The following IQCM variants were observed in gnomAD, a reference collection of about 807,000 sequenced individuals.
IQCM encodes the protein IQ motif containing M.
IQCM carries 45 observed loss-of-function variants against 57.6 expected under a neutral mutation model. The ratio of observed to expected loss-of-function variants is 0.78; its 90% CI spans 0.62 to 1.00. IQCM has a LOEUF of 1.00. Ranked by LOEUF, IQCM falls within the 50% of genes least tolerant of loss-of-function variation. IQCM has a pLI of 0.00. For missense variants in IQCM, 468 were observed against 511.6 expected (o/e 0.91, Z 0.82); for synonymous variants, 148 against 158.9 (o/e 0.93, Z 0.51).
In IQCM at chr4:149,600,149, T is replaced by C. The variant is rs571989199; in HGVS notation, c.682-12152A>G. Among the ~76,000 whole-genome samples, 11 of 152,252 alleles carry C rather than the reference T, an allele frequency of 7.2e-5. No homozygotes were observed. In the South Asian group the frequency reaches 2.3e-3, roughly 32 times the overall value. On this transcript the variant is annotated intron_variant, in intron 8 of 13. Coordinates refer to ENST00000636793, the MANE Select transcript of IQCM (RefSeq NM_001363507.2). ...TATTGAGGACTAATTTGAATGTAAATCCATTCTAAATGATGAGTTCTGCTA... is the reference window on the plus strand; with the variant it reads ...TATTGAGGACTAATTTGAATGTAAACCCATTCTAAATGATGAGTTCTGCTA...
chr4:149,486,202 G>A (rs1415669141), intron 12 of IQCM, among the ~76,000 whole-genome samples: 1 of 152,052 alleles, frequency 6.6e-6, no homozygotes, highest in Non-Finnish European at 1.5e-5. Flanking sequence ...CTTCTCTTCA[G>A]GGCATCAAGT....
intron 8 of IQCM, among the ~76,000 whole-genome samples, chr4:149,590,823 T>A (rs1317473914): frequency 1.3e-5 from 2 of 152,124 alleles, no homozygotes; most frequent in African/African-American, 4.8e-5. Flanking sequence ...GGTGTATATG[T>A]GCCACATTTT....
At chr4:149,394,922 T>G (rs559910654) in intron 13 of IQCM, among the ~76,000 whole-genome samples, 1 of 152,188 alleles carries the variant, frequency 6.6e-6, no homozygotes, top group East Asian at 1.9e-4. Context: ...GATAAGCAGT[T>G]ACACTGCCAT....
chr4:149,694,597 C>G (rs888523835), intron 5 of IQCM, among the ~76,000 whole-genome samples: 7 of 152,104 alleles, frequency 4.6e-5, no homozygotes, highest in Non-Finnish European at 8.8e-5. Context: ...TAAAAATCGT[C>G]TATGTTAAAT....
chr4:149,747,720 A>G (rs1768061285), intron 2 of IQCM, among the ~76,000 whole-genome samples: 2 of 152,196 alleles, frequency 1.3e-5, no homozygotes, highest in Non-Finnish European at 2.9e-5. Context: ...TGAATTTATG[A>G]TTAATATCAG....
intron 12 of IQCM, among the ~76,000 whole-genome samples, chr4:149,460,633 G>T (rs1738171480): frequency 6.6e-6 from 1 of 151,762 alleles, no homozygotes; most frequent in African/African-American, 2.4e-5. Context: ...GTAATATTTT[G>T]AAAGAAGAAA....
intron 7 of IQCM, among the ~76,000 whole-genome samples, chr4:149,681,679 G>A (rs970772240): frequency 6.6e-6 from 1 of 151,016 alleles, no homozygotes; most frequent in Non-Finnish European, 1.5e-5. Flanking sequence ...TTAAAAAGCG[G>A]GAAAACTAAA....
intron 12 of IQCM, among the ~76,000 whole-genome samples, chr4:149,510,424 C>G (rs1237603768): frequency 6.6e-6 from 1 of 152,010 alleles, no homozygotes; most frequent in Non-Finnish European, 1.5e-5. Flanking sequence ...CATGTCATAG[C>G]CATACACTGT....
At chr4:149,683,955 C>T (rs2150209137) in intron 6 of IQCM, among the ~76,000 whole-genome samples, 1 of 151,410 alleles carries the variant, frequency 6.6e-6, no homozygotes, top group African/African-American at 2.4e-5. Flanking sequence ...AGGAAACTCA[C>T]TGATCACAAA....
intron 12 of IQCM, among the ~76,000 whole-genome samples, chr4:149,490,149 C>T (rs1260089850): frequency 6.6e-6 from 1 of 151,906 alleles, no homozygotes; most frequent in African/African-American, 2.4e-5. Context: ...AGTCAAAGTA[C>T]TAAACTAATG....
chr4:149,559,624 A>G (rs1041756418), intron 10 of IQCM, among the ~76,000 whole-genome samples: 2 of 152,234 alleles, frequency 1.3e-5, no homozygotes, highest in Non-Finnish European at 2.9e-5. Flanking sequence ...TCACTAGACT[A>G]TGTATGCTCT....
intron 12 of IQCM, among the ~76,000 whole-genome samples, chr4:149,487,146 A>C (rs541910676): frequency 6.6e-6 from 1 of 152,194 alleles, no homozygotes; most frequent in East Asian, 1.9e-4. Context: ...TCAGCAGGTG[A>C]TAAATCTTGA....
intron 13 of IQCM, among the ~76,000 whole-genome samples, chr4:149,364,985 A>T (rs1324855673): frequency 1.3e-5 from 2 of 152,116 alleles, no homozygotes; most frequent in East Asian, 1.9e-4. Flanking sequence ...TATATATATA[A>T]AATTATAGAT....
At chr4:149,398,479 T>C (rs1732388713) in intron 13 of IQCM, among the ~76,000 whole-genome samples, 1 of 152,098 alleles carries the variant, frequency 6.6e-6, no homozygotes, top group African/African-American at 2.4e-5. Flanking sequence ...AAATATTATA[T>C]CTTCCAATCC....
At chr4:149,366,401 T>C (rs1473503565) in intron 13 of IQCM, among the ~76,000 whole-genome samples, 1 of 151,918 alleles carries the variant, frequency 6.6e-6, no homozygotes, top group Non-Finnish European at 1.5e-5. Context: ...TACTCCTCTA[T>C]GATCCTACCT....
intron 7 of IQCM, among the ~76,000 whole-genome samples, chr4:149,678,801 A>T (rs532058781): frequency 6.6e-6 from 1 of 151,718 alleles, no homozygotes; most frequent in Non-Finnish European, 1.5e-5. Context: ...AAAATGCTCA[A>T]TGGAGACATG....
At chr4:149,479,581 A>C (rs552443211) in intron 12 of IQCM, among the ~76,000 whole-genome samples, 2 of 152,354 alleles carry the variant, frequency 1.3e-5, no homozygotes, top group East Asian at 3.9e-4. Flanking sequence ...ACCAATTTTA[A>C]GTGGCAAAGC....
intron 2 of IQCM, among the ~76,000 whole-genome samples, chr4:149,746,388 C>A (rs1767938636): frequency 1.3e-5 from 2 of 152,206 alleles, no homozygotes. Context: ...AATCTCCCAG[C>A]CACAATCATT....
intron 12 of IQCM, among the ~76,000 whole-genome samples, chr4:149,525,034 A>C (rs1022730853): frequency 6.6e-6 from 1 of 151,882 alleles, no homozygotes; most frequent in African/African-American, 2.4e-5. Context: ...CCTTTCAAAG[A>C]AGCACTGGAA....
Sources: gnomAD v4.1 joint callset for allele counts (sites outside exome capture counted in the v4.1 genomes callset) on GRCh38, gnomAD v4.1.1 for gene constraint, MANE v1.5 for transcripts, NCBI Gene and HGNC (gene_info 2026-07-23, HGNC 2026-07-21) for gene names.